Variants in NAALADL2 observed in about 807,000 individuals in gnomAD.
NAALADL2 encodes the protein N-acetylated alpha-linked acidic dipeptidase like 2, also known as inactive N-acetylated-alpha-linked acidic dipeptidase-like protein 2.
In NAALADL2, 76 loss-of-function variants were observed where a neutral mutation model predicts 87.2. The observed-to-expected ratio is 0.87, with a 90% CI of 0.72 to 1.05. The LOEUF (loss-of-function observed/expected upper bound fraction) is 1.05, where lower values mean the gene tolerates loss of function less well. Among genes scored for constraint, NAALADL2 ranks in the 50% least tolerant of loss-of-function variants. NAALADL2 has a pLI of 0.00. For missense variants in NAALADL2, 1,089 were observed against 945.8 expected, an observed-to-expected ratio of 1.15 and a Z score of -1.99; for synonymous variants, 354 against 331.0, an observed-to-expected ratio of 1.07 and a Z score of -0.75.
intron 2 of NAALADL2, chr3:175,218,197 T>C: frequency 2.7e-6 from 1 of 374,594 alleles, no homozygotes; most frequent in Non-Finnish European, 5.3e-6. Context: ...AGTTAGTTTA[T>C]ATATTATGTA....
intron 1 of NAALADL2, among the ~76,000 whole-genome samples, chr3:174,482,944 G>A (rs906406987): frequency 3.3e-5 from 5 of 152,022 alleles, no homozygotes; most frequent in Admixed American, 6.6e-5. Flanking sequence ...ATCATAAGGC[G>A]TGATCAAGAG....
chr3:175,605,105 C>T (rs1723505801), intron 10 of NAALADL2, among the ~76,000 whole-genome samples: 1 of 152,096 alleles, frequency 6.6e-6, no homozygotes, highest in African/African-American at 2.4e-5. Context: ...TTGCTAGTAC[C>T]CACACTCTTA....
intron 3 of NAALADL2, among the ~76,000 whole-genome samples, chr3:174,811,961 TC>T (rs1720262275): frequency 6.6e-6 from 1 of 152,040 alleles, no homozygotes; most frequent in Admixed American, 6.6e-5. Context: ...TTGTGGCACC[TC>T]CCCCTCTTTC....
At position 175,803,217 on chromosome 3, in the gene NAALADL2, ATT is replaced by A; in HGVS notation, c.*18_*19del. 1 of 1,569,502 alleles carries A rather than the reference ATT, an allele frequency of 6.4e-7. No individual in the cohort carries two copies. Among genetic ancestry groups the A allele is most frequent in the Non-Finnish European group, 8.6e-7 (1 of 1,156,164 alleles). Reference sequence around the variant, plus strand: ...GGGAAGAATTGAGAAAACTCTGAGCATTTTTAAAAGTTTGTTTACAATTCCAC... The same window carrying A: ...GGGAAGAATTGAGAAAACTCTGAGCATTTAAAAGTTTGTTTACAATTCCAC... On this transcript the variant is annotated 3_prime_UTR_variant, in exon 14 of 14. Coordinates refer to ENST00000454872, the MANE Select transcript of NAALADL2 (RefSeq NM_207015.3).
chr3:175,163,313 A>G (rs1313934169), intron 2 of NAALADL2, among the ~76,000 whole-genome samples: 1 of 152,136 alleles, frequency 6.6e-6, no homozygotes, highest in East Asian at 1.9e-4. Flanking sequence ...GTATAAACTT[A>G]CTGGAAAACA....
chr3:174,818,440 T>G (rs1186326846), intron 3 of NAALADL2, among the ~76,000 whole-genome samples: 2 of 152,148 alleles, frequency 1.3e-5, no homozygotes, highest in Non-Finnish European at 2.9e-5. Flanking sequence ...TGGAATATTT[T>G]TGAAATCATA....
intron 4 of NAALADL2, among the ~76,000 whole-genome samples, chr3:175,305,856 A>T (rs967077199): frequency 6.6e-6 from 1 of 152,158 alleles, no homozygotes. Flanking sequence ...ATTACATAAT[A>T]TATACCTTCC....
At chr3:175,268,530 A>T (rs2109982989) in intron 4 of NAALADL2, among the ~76,000 whole-genome samples, 1 of 152,148 alleles carries the variant, frequency 6.6e-6, no homozygotes, top group East Asian at 1.9e-4. Context: ...TTTCTTTTTA[A>T]TAATAAATTA....
chr3:174,741,127 T>C (rs917049804), intron 3 of NAALADL2, among the ~76,000 whole-genome samples: 1 of 151,722 alleles, frequency 6.6e-6, no homozygotes, highest in Admixed American at 6.6e-5. Flanking sequence ...AACCAATGGA[T>C]TTAGGTAAAG....
At position 175,809,889 on chromosome 3, in the gene NAALADL2, C is replaced by T. The variant is rs1464732976; in HGVS notation, c.*6686C>T. 2.6e-5 allele frequency: 4 copies of T among 151,888 alleles called. No homozygotes were observed. The East Asian group carries it at 7.7e-4, about 29-fold the overall frequency. The allele number at this position is 151,888 out of a possible 1,614,324, so 9.4% of individuals were successfully genotyped here. A position where few individuals can be genotyped will look rare whatever the true frequency, so the allele number is the denominator to read the frequency against. On this transcript the variant is annotated 3_prime_UTR_variant, in exon 14 of 14. Transcript: ENST00000454872. ...CCTTAAAATGAAGAATAGGGATGAG[C>T]AGGAGAAAATTTATAAATTAACCCA...
chr3:175,060,222 C>T (rs1229001552), intron 1 of NAALADL2, among the ~76,000 whole-genome samples: 1 of 152,184 alleles, frequency 6.6e-6, no homozygotes, highest in Non-Finnish European at 1.5e-5. Context: ...TGAAAGTGCT[C>T]ATAGGCTGCC....
At chr3:175,536,335 G>C (rs1734811129) in intron 9 of NAALADL2, among the ~76,000 whole-genome samples, 1 of 152,112 alleles carries the variant, frequency 6.6e-6, no homozygotes, top group African/African-American at 2.4e-5. Context: ...CCATTTAGTA[G>C]CTTTCTGATC....
intron 1 of NAALADL2, among the ~76,000 whole-genome samples, chr3:174,918,190 T>C (rs1734663441): frequency 6.6e-6 from 1 of 152,080 alleles, no homozygotes; most frequent in Admixed American, 6.6e-5. Flanking sequence ...TAATTGCATC[T>C]AATAATTTTA....
At chr3:174,575,972 T>C (rs868400657) in intron 2 of NAALADL2, among the ~76,000 whole-genome samples, 2 of 152,132 alleles carry the variant, frequency 1.3e-5, no homozygotes, top group African/African-American at 4.8e-5. Flanking sequence ...AAAGCGATGA[T>C]CCTGCCTCAG....
At chr3:174,835,459 C>A (rs1311275188) in intron 3 of NAALADL2, among the ~76,000 whole-genome samples, 1 of 151,934 alleles carries the variant, frequency 6.6e-6, no homozygotes, top group Non-Finnish European at 1.5e-5. Flanking sequence ...TGATTTTTTG[C>A]ATATGACACC....
At chr3:174,609,418 T>A (rs1427317071) in intron 2 of NAALADL2, among the ~76,000 whole-genome samples, 1 of 152,028 alleles carries the variant, frequency 6.6e-6, no homozygotes, top group Admixed American at 6.6e-5. Context: ...GAAAACCCCA[T>A]TGTCTCAGCC....
chr3:175,765,667 T>G (rs150194205), intron 13 of NAALADL2, among the ~76,000 whole-genome samples: 3,111 of 152,224 alleles, frequency 0.02, 32 homozygotes, highest in Middle Eastern at 0.061. Flanking sequence ...ATTACTGTTG[T>G]CATATTTGCA....
chr3:174,869,773 G>A (rs1727579528), intron 1 of NAALADL2, among the ~76,000 whole-genome samples: 1 of 151,952 alleles, frequency 6.6e-6, no homozygotes, highest in South Asian at 2.1e-4. Context: ...AGACGTATGG[G>A]TCACCTGAGG....
chr3:175,586,986 A>G (rs1720627712), intron 10 of NAALADL2, among the ~76,000 whole-genome samples: 1 of 151,850 alleles, frequency 6.6e-6, no homozygotes, highest in South Asian at 2.1e-4. Flanking sequence ...CAGTTCAGGG[A>G]TGATTTTGAA....
Sources: allele counts gnomAD v4.1 joint callset (sites outside exome capture counted in the v4.1 genomes callset), GRCh38; gene constraint gnomAD v4.1.1; transcripts MANE v1.5; gene names NCBI Gene and HGNC (gene_info 2026-07-23, HGNC 2026-07-21).